MPPED1: variants seen among roughly 807,000 people sequenced by gnomAD.
MPPED1 encodes metallophosphoesterase domain containing 1.
In MPPED1, 16 loss-of-function variants were observed where a neutral mutation model predicts 36.2. The ratio of observed to expected loss-of-function variants is 0.44; its 90% CI spans 0.30 to 0.67. The LOEUF (loss-of-function observed/expected upper bound fraction) is 0.67, where lower values mean the gene tolerates loss of function less well. Among genes scored for constraint, MPPED1 ranks in the 30% least tolerant of loss-of-function variants. MPPED1 has a pLI of 0.10. For synonymous variants in MPPED1, 199 were observed against 191.3 expected (o/e 1.04, Z -0.33); for missense variants, 307 against 453.4 (o/e 0.68, Z 2.93).
chr22:43,470,055 T>C (rs115126338), intron 3 of MPPED1, among the ~76,000 whole-genome samples: 3,823 of 151,002 alleles, frequency 0.025, 138 homozygotes, highest in African/African-American at 0.088. Flanking sequence ...TATATATCCA[T>C]ACATATATAA....
At chr22:43,494,757 C>T (rs1297444657) in intron 4 of MPPED1, among the ~76,000 whole-genome samples, 1 of 142,630 alleles carries the variant, frequency 7.0e-6, no homozygotes, top group Non-Finnish European at 1.6e-5. Flanking sequence ...CGGGCTGCTA[C>T]AAGAAAATGC....
At chr22:43,495,483 TGGTG>T (rs1459853660) in intron 4 of MPPED1, among the ~76,000 whole-genome samples, 4 of 45,472 alleles carry the variant, frequency 8.8e-5, no homozygotes, top group Non-Finnish European at 1.5e-4. Flanking sequence ...GTGGAGGTGG[TGGTG>T]GAGGTAGTGG....
intron 5 of MPPED1, among the ~76,000 whole-genome samples, chr22:43,501,628 C>T (rs73170021): frequency 0.05 from 7,634 of 152,246 alleles, 214 homozygotes; most frequent in African/African-American, 0.078. Flanking sequence ...AAGAAGGATC[C>T]GGCCTCATGC....
intron 3 of MPPED1, among the ~76,000 whole-genome samples, chr22:43,444,044 A>G (rs900654335): frequency 7.9e-5 from 12 of 152,246 alleles, no homozygotes; most frequent in African/African-American, 2.6e-4. Flanking sequence ...AATTTTCTAT[A>G]TTCTTCATCA....
At chr22:43,469,977 C>G (rs1931310840) in intron 3 of MPPED1, among the ~76,000 whole-genome samples, 1 of 152,138 alleles carries the variant, frequency 6.6e-6, no homozygotes, top group Non-Finnish European at 1.5e-5. Flanking sequence ...ACCCATCCAT[C>G]CATCTACCCA....
intron 3 of MPPED1, among the ~76,000 whole-genome samples, chr22:43,468,763 G>T (rs1337509036): frequency 6.6e-6 from 1 of 152,190 alleles, no homozygotes; most frequent in Admixed American, 6.5e-5. Context: ...GGCTCATGGA[G>T]AGCTGACCAG....
At chr22:43,461,274 G>A (rs1280413084) in intron 3 of MPPED1, among the ~76,000 whole-genome samples, 2 of 152,176 alleles carry the variant, frequency 1.3e-5, no homozygotes, top group African/African-American at 4.8e-5. Context: ...TCTCAAAGCT[G>A]TTTTTCCCCC....
At position 43,505,892 on chromosome 22, in the gene MPPED1, A is replaced by T. The variant is rs774762838; in HGVS notation, c.*276A>T. ...GACCTACTAAGCTCATGGCCCTGTC[A>T]TGTTTGGGAAATGACTAAATCTTCA... On this transcript the variant is annotated 3_prime_UTR_variant, in exon 7 of 7. Transcript: ENST00000443721. The T allele has an allele frequency of 2.7e-6, 1 of 368,090 alleles. No homozygotes were observed. The highest frequency in any genetic ancestry group is 4.5e-5 in the East Asian group (1 of 22,158). The allele number at this position is 368,090 out of a possible 1,614,324, so 22.8% of individuals were successfully genotyped here. A position where few individuals can be genotyped will look rare whatever the true frequency, so the allele number is the denominator to read the frequency against.
chr22:43,450,493 C>A (rs1930525716), intron 3 of MPPED1, among the ~76,000 whole-genome samples: 1 of 152,228 alleles, frequency 6.6e-6, no homozygotes, highest in South Asian at 2.1e-4. Flanking sequence ...TCTTCCCAGC[C>A]ATATGGCCTT....
intron 4 of MPPED1, among the ~76,000 whole-genome samples, chr22:43,489,042 G>A (rs1168160735): frequency 6.6e-6 from 1 of 152,174 alleles, no homozygotes; most frequent in Non-Finnish European, 1.5e-5. Context: ...CTTGATCAGG[G>A]CTGACTGGGC....
At chr22:43,456,692 C>T (rs1930767162) in intron 3 of MPPED1, among the ~76,000 whole-genome samples, 1 of 152,142 alleles carries the variant, frequency 6.6e-6, no homozygotes, top group African/African-American at 2.4e-5. Context: ...ACAGAGTTTT[C>T]GCCATGTTGG....
chr22:43,450,253 C>T (rs1444139055), intron 3 of MPPED1, among the ~76,000 whole-genome samples: 2 of 152,154 alleles, frequency 1.3e-5, no homozygotes, highest in Admixed American at 1.3e-4. Context: ...GAGACAGGGG[C>T]CAGGGGAAAG....
At chr22:43,466,274 G>T (rs891447894) in intron 3 of MPPED1, among the ~76,000 whole-genome samples, 1 of 152,130 alleles carries the variant, frequency 6.6e-6, no homozygotes, top group Non-Finnish European at 1.5e-5. Flanking sequence ...AGGCCAGGGG[G>T]TCTGCAGCTC....
At chr22:43,500,404 TGGTGGTGATGGA>T (rs1260885752) in intron 5 of MPPED1, among the ~76,000 whole-genome samples, 4 of 148,198 alleles carry the variant, frequency 2.7e-5, no homozygotes, top group Admixed American at 2.7e-4. Flanking sequence ...GAGGTGGTAG[TGGTGGTGATGGA>T]GGTGGTAATG....
At chr22:43,419,142 A>AG (rs1453750065) in intron 1 of MPPED1, 2 of 152,144 alleles carry the variant, frequency 1.3e-5, no homozygotes, top group African/African-American at 2.4e-5. Context: ...ACTAAGATTA[A>AG]GGGGGGCAAA....
Position 43,477,001 on chromosome 22 carries a change from C to T in MPPED1, c.632+2040C>T, listed in dbSNP as rs535004914. On this transcript the variant is annotated intron_variant, in intron 4 of 6. Transcript: ENST00000443721. ...TGCCATGCCAGGGAGTGGGAGAAGC[C>T]GAAGGACAGAGAAGGGAACTCGAGC... Among the ~76,000 whole-genome samples, 10 of 152,244 alleles carry T rather than the reference C, an allele frequency of 6.6e-5. No individual in the cohort carries two copies. The East Asian group carries it at 7.7e-4, about 12-fold the overall frequency.
At chr22:43,449,078 A>G (rs1201073339) in intron 3 of MPPED1, among the ~76,000 whole-genome samples, 1 of 152,164 alleles carries the variant, frequency 6.6e-6, no homozygotes, top group African/African-American at 2.4e-5. Flanking sequence ...AACTAAAAAA[A>G]AGTCCTGTGT....
At chr22:43,504,526 G>T (rs923438382) in intron 6 of MPPED1, among the ~76,000 whole-genome samples, 1 of 150,136 alleles carries the variant, frequency 6.7e-6, no homozygotes, top group African/African-American at 2.5e-5. Flanking sequence ...TAATTATAAG[G>T]GTGGCAATGA....
At chr22:43,492,713 G>T (rs1156530097) in intron 4 of MPPED1, among the ~76,000 whole-genome samples, 2 of 152,194 alleles carry the variant, frequency 1.3e-5, no homozygotes, top group African/African-American at 4.8e-5. Flanking sequence ...TCATGGCTGG[G>T]TGTAGGGGAC....
Sources: allele counts gnomAD v4.1 joint callset (sites outside exome capture counted in the v4.1 genomes callset), GRCh38; gene constraint gnomAD v4.1.1; transcripts MANE v1.5; gene names NCBI Gene and HGNC (gene_info 2026-07-23, HGNC 2026-07-21).